Variants in LRRC7 observed in about 807,000 individuals in gnomAD.
LRRC7 encodes the protein leucine-rich repeat-containing protein 7.
In LRRC7, 23 loss-of-function variants were observed where a neutral mutation model predicts 175.7. The ratio of observed to expected loss-of-function variants is 0.13; its 90% CI spans 0.09 to 0.19. The LOEUF (loss-of-function observed/expected upper bound fraction) is 0.19, where lower values mean the gene tolerates loss of function less well. Among genes scored for constraint, LRRC7 ranks in the 10% least tolerant of loss-of-function variants. The pLI, the probability that LRRC7 is intolerant of heterozygous loss-of-function variation, is 1.00. For synonymous variants in LRRC7, 685 were observed against 680.9 expected, an observed-to-expected ratio of 1.01 and a Z score of -0.09; for missense variants, 1,354 against 1,904.7, an observed-to-expected ratio of 0.71 and a Z score of 5.38.
At chr1:69,618,770 G>T (rs919052024) in intron 1 of LRRC7, among the ~76,000 whole-genome samples, 2 of 152,008 alleles carry the variant, frequency 1.3e-5, no homozygotes, top group Non-Finnish European at 2.9e-5. Context: ...TCATCACTTC[G>T]CCTAAAGCTA....
At position 69,913,333 on chromosome 1, in the gene LRRC7, G is replaced by A. The variant is rs187155504; in HGVS notation, c.648-18174G>A. 1.4e-4 allele frequency among the ~76,000 whole-genome samples: 21 copies of A among 152,244 alleles called. No homozygotes were observed. In the East Asian group the frequency reaches 4.0e-3, roughly 29 times the overall value. ...TTGAGGGAAGTTGAGTTGAAATGCT[G>A]AAAAGTACAAACAATCACAGCTGTG... On this transcript the variant is annotated intron_variant, in intron 7 of 26. Coordinates refer to ENST00000651989, the MANE Select transcript of LRRC7 (RefSeq NM_001370785.2).
At chr1:69,786,324 TTC>T (rs907299430) in intron 3 of LRRC7, among the ~76,000 whole-genome samples, 3 of 151,842 alleles carry the variant, frequency 2.0e-5, no homozygotes, top group Non-Finnish European at 2.9e-5. Flanking sequence ...AGACTTTTTT[TTC>T]TCTCTCTCTC....
intron 3 of LRRC7, among the ~76,000 whole-genome samples, chr1:69,766,650 T>C (rs1317793428): frequency 6.6e-6 from 1 of 152,200 alleles, no homozygotes; most frequent in Non-Finnish European, 1.5e-5. Context: ...TACCTCAGCA[T>C]GACGCAGATC....
rs186934804 is a variant in LRRC7, at chr1:70,040,978, C to T, written c.3969+1185C>T. ...TCTAGAACTATCTTCAATTGACCAT[C>T]GTCATTCAGTGTACTTTGTGGCTTT... On this transcript the variant is annotated intron_variant, in intron 21 of 26. Coordinates refer to ENST00000651989, the MANE Select transcript of LRRC7 (RefSeq NM_001370785.2). Among the ~76,000 whole-genome samples, 471 of 152,272 alleles carry T rather than the reference C, an allele frequency of 3.1e-3. 1 individual carries two copies. The highest frequency in any genetic ancestry group is 0.01 in the African/African-American group (425 of 41,554).
At chr1:69,931,734 A>C (rs984743183) in intron 8 of LRRC7, among the ~76,000 whole-genome samples, 164 bp downstream of exon 8, 1 of 152,220 alleles carries the variant, frequency 6.6e-6, no homozygotes, top group African/African-American at 2.4e-5. Context: ...TTGGAAAAAA[A>C]AATGGAATTG....
chr1:70,105,752 A>G (rs1665100489), intron 25 of LRRC7, among the ~76,000 whole-genome samples: 1 of 152,152 alleles, frequency 6.6e-6, no homozygotes, highest in Non-Finnish European at 1.5e-5. Flanking sequence ...GCACATGTAT[A>G]TTGCATATTT....
chr1:69,919,287 C>A (rs1646809995), intron 7 of LRRC7: 4 of 522,416 alleles, frequency 7.7e-6, no homozygotes, highest in Non-Finnish European at 1.4e-5. Flanking sequence ...TTGCTAGATA[C>A]ATTAGCAAAT....
At chr1:69,814,410 A>G (rs181427743) in intron 4 of LRRC7, among the ~76,000 whole-genome samples, 1 of 152,220 alleles carries the variant, frequency 6.6e-6, no homozygotes, top group Admixed American at 6.5e-5. Context: ...TATTAATTAA[A>G]ATTCTTATTC....
At chr1:70,013,324 A>G (rs1656684744) in intron 13 of LRRC7, among the ~76,000 whole-genome samples, 1 of 151,930 alleles carries the variant, frequency 6.6e-6, no homozygotes, top group Non-Finnish European at 1.5e-5. Context: ...ATAAATATGA[A>G]TCACACAAAT....
chr1:69,806,307 A>C (rs1315965151), intron 4 of LRRC7, among the ~76,000 whole-genome samples: 1 of 151,996 alleles, frequency 6.6e-6, no homozygotes, highest in Non-Finnish European at 1.5e-5. Flanking sequence ...AGAGAGAGAA[A>C]GAGAGCGAGA....
intron 2 of LRRC7, among the ~76,000 whole-genome samples, chr1:69,707,140 A>G (rs951544959): frequency 2.6e-5 from 4 of 152,130 alleles, no homozygotes; most frequent in Non-Finnish European, 4.4e-5. Flanking sequence ...AAGTTTCTGT[A>G]GCTGTTGAGA....
chr1:69,593,825 A>C (rs558587693), intron 1 of LRRC7, among the ~76,000 whole-genome samples: 2 of 152,256 alleles, frequency 1.3e-5, no homozygotes, highest in South Asian at 2.1e-4. Flanking sequence ...CTGAGTCTGA[A>C]TCTATGTTCT....
At chr1:69,835,780 G>A (rs1423117709) in intron 6 of LRRC7, among the ~76,000 whole-genome samples, 1 of 151,756 alleles carries the variant, frequency 6.6e-6, no homozygotes, top group Admixed American at 6.6e-5. Flanking sequence ...CTAGGATATT[G>A]GTTAAATATA....
chr1:69,891,654 C>G (rs995579616), intron 7 of LRRC7, among the ~76,000 whole-genome samples: 1 of 151,988 alleles, frequency 6.6e-6, no homozygotes, highest in Non-Finnish European at 1.5e-5. Flanking sequence ...ATTGTTTGAA[C>G]CCAGGAGGTG....
At chr1:70,047,890 G>T (rs1336052082) in intron 22 of LRRC7, among the ~76,000 whole-genome samples, 1 of 151,728 alleles carries the variant, frequency 6.6e-6, no homozygotes, top group Non-Finnish European at 1.5e-5. Flanking sequence ...AGAAAATTTA[G>T]TAATACTTAG....
At chr1:69,653,167 G>C (rs937218046) in intron 1 of LRRC7, among the ~76,000 whole-genome samples, 1 of 152,114 alleles carries the variant, frequency 6.6e-6, no homozygotes, top group Non-Finnish European at 1.5e-5. Flanking sequence ...TACAGAATGG[G>C]AGAAAATATT....
At chr1:69,768,017 C>T (rs1158167380) in intron 3 of LRRC7, among the ~76,000 whole-genome samples, 3 of 152,168 alleles carry the variant, frequency 2.0e-5, no homozygotes, top group Admixed American at 6.6e-5. Flanking sequence ...CACTACTCCA[C>T]GCCGGCCACT....
At chr1:69,648,005 G>A (rs980602474) in intron 1 of LRRC7, among the ~76,000 whole-genome samples, 1 of 151,950 alleles carries the variant, frequency 6.6e-6, no homozygotes, top group Non-Finnish European at 1.5e-5. Context: ...GTTTTCAAAA[G>A]TTTATCTAGT....
chr1:70,031,813 C>G (rs953762494), intron 18 of LRRC7, among the ~76,000 whole-genome samples: 1 of 128,800 alleles, frequency 7.8e-6, no homozygotes, highest in Non-Finnish European at 1.7e-5. Context: ...TTTCCTTTTT[C>G]TTTTGAGACG....
Sources: gnomAD v4.1 joint callset for allele counts (sites outside exome capture counted in the v4.1 genomes callset) on GRCh38, gnomAD v4.1.1 for gene constraint, MANE v1.5 for transcripts, NCBI Gene and HGNC (gene_info 2026-07-23, HGNC 2026-07-21) for gene names.